Variants in SH3KBP1 observed in about 807,000 individuals in gnomAD.
SH3KBP1 encodes the protein SH3 domain-containing kinase-binding protein 1.
SH3KBP1 carries 8 observed loss-of-function variants against 50.1 expected under a neutral mutation model. The ratio of observed to expected loss-of-function variants is 0.16; its 90% CI spans 0.09 to 0.29. SH3KBP1 has a LOEUF of 0.29. SH3KBP1 is among the 10% of genes least tolerant of loss of function. The pLI is 1.00. For synonymous variants in SH3KBP1, 227 were observed against 218.6 expected, an observed-to-expected ratio of 1.04 and a Z score of -0.34; for missense variants, 377 against 535.2, an observed-to-expected ratio of 0.70 and a Z score of 2.92.
chrX:19,698,732 A>C (rs183357262), intron 4 of SH3KBP1, among the ~76,000 whole-genome samples: 1 of 111,761 alleles, frequency 8.9e-6, no homozygotes, highest in East Asian at 2.8e-4. Flanking sequence ...CTGAGGCTGG[A>C]GATAAGAGAA....
intron 2 of SH3KBP1, among the ~76,000 whole-genome samples, chrX:19,778,384 T>C (rs1377369482): frequency 2.9e-5 from 3 of 103,696 alleles, no homozygotes; most frequent in South Asian, 4.5e-4. Flanking sequence ...TGAGCCGAAA[T>C]TGTGCAACTG....
At chrX:19,722,447 C>T (rs774475399) in intron 3 of SH3KBP1, among the ~76,000 whole-genome samples, 9 of 111,730 alleles carry the variant, frequency 8.1e-5, no homozygotes, top group Middle Eastern at 4.7e-3. Context: ...CCCTATCCTT[C>T]GGGTATAAAG....
At chrX:19,712,428 C>T (rs1480757894) in intron 3 of SH3KBP1, among the ~76,000 whole-genome samples, 1 of 111,864 alleles carries the variant, frequency 8.9e-6, no homozygotes, top group Non-Finnish European at 1.9e-5. Flanking sequence ...AGCTAGACAG[C>T]TAGCTAAAGA....
chrX:19,864,100 G>A (rs1263379573), intron 1 of SH3KBP1, among the ~76,000 whole-genome samples: 1 of 110,795 alleles, frequency 9.0e-6, no homozygotes, highest in Non-Finnish European at 1.9e-5. Context: ...TCTCAGCTGG[G>A]ATCATCAAAA....
At chrX:19,870,887 C>T (rs2069023605) in intron 1 of SH3KBP1, among the ~76,000 whole-genome samples, 1 of 111,361 alleles carries the variant, frequency 9.0e-6, no homozygotes, top group African/African-American at 3.3e-5. Flanking sequence ...ACCTCACGGC[C>T]GAAGCACACC....
At chrX:19,887,060 G>C (rs1007663766) in intron 1 of SH3KBP1, among the ~76,000 whole-genome samples, 1 of 111,495 alleles carries the variant, frequency 9.0e-6, no homozygotes, top group African/African-American at 3.3e-5. Flanking sequence ...GAGCCGCCCG[G>C]GGCCAGCCCC....
intron 1 of SH3KBP1, among the ~76,000 whole-genome samples, chrX:19,879,872 A>G (rs928154074): frequency 1.8e-5 from 2 of 113,164 alleles, no homozygotes; most frequent in Non-Finnish European, 3.7e-5. Flanking sequence ...GTTCCCCCAG[A>G]GCAGGCTTCC....
At chrX:19,835,959 T>C (rs1272227125) in intron 2 of SH3KBP1, among the ~76,000 whole-genome samples, 166 bp downstream of exon 2, 2 of 111,007 alleles carry the variant, frequency 1.8e-5, no homozygotes, top group Non-Finnish European at 3.8e-5. Context: ...TCAAAACAAG[T>C]ATCCCAGATA....
At chrX:19,708,454 G>A (rs1042914770) in intron 3 of SH3KBP1, among the ~76,000 whole-genome samples, 2 of 111,834 alleles carry the variant, frequency 1.8e-5, no homozygotes, top group African/African-American at 6.5e-5. Context: ...GGCACTGTCA[G>A]CAGGCTGAGT....
chrX:19,854,043 T>C (rs952470966), intron 1 of SH3KBP1, among the ~76,000 whole-genome samples: 1 of 111,519 alleles, frequency 9.0e-6, no homozygotes, highest in Non-Finnish European at 1.9e-5. Flanking sequence ...AGACTACCTG[T>C]CCATACAAGT....
At chrX:19,679,979 C>T (rs2063008127) in intron 6 of SH3KBP1, among the ~76,000 whole-genome samples, 1 of 111,783 alleles carries the variant, frequency 8.9e-6, no homozygotes, top group Non-Finnish European at 1.9e-5. Context: ...CAATATCTCT[C>T]CTGGTGTATA....
chrX:19,582,127 GA>G (rs768273009), intron 12 of SH3KBP1, among the ~76,000 whole-genome samples: 1 of 112,083 alleles, frequency 8.9e-6, no homozygotes, highest in Non-Finnish European at 1.9e-5. Flanking sequence ...TGACCTCTGG[GA>G]TGTCTGATTC....
chrX:19,671,093 C>T, intron 6 of SH3KBP1: 1 of 892,462 alleles, frequency 1.1e-6, no homozygotes, highest in Non-Finnish European at 1.5e-6. Context: ...GTCCTCCTCC[C>T]TCGCCTATGT....
intron 7 of SH3KBP1, among the ~76,000 whole-genome samples, chrX:19,633,767 G>C (rs1419409852): frequency 1.8e-5 from 2 of 112,061 alleles, no homozygotes; most frequent in East Asian, 5.6e-4. Context: ...AAGTGTAATA[G>C]AGACTGTTGG....
chrX:19,721,487 C>CTGGA (rs1465111997), intron 3 of SH3KBP1, among the ~76,000 whole-genome samples: 1 of 112,175 alleles, frequency 8.9e-6, no homozygotes. Context: ...TGACCCACTG[C>CTGGA]TGGATGTTGC....
intron 13 of SH3KBP1, among the ~76,000 whole-genome samples, chrX:19,552,115 C>A (rs1021383982): frequency 1.8e-5 from 2 of 111,997 alleles, no homozygotes; most frequent in African/African-American, 6.5e-5. Context: ...TTCCCTTAAC[C>A]GGATATGCCA....
intron 12 of SH3KBP1, among the ~76,000 whole-genome samples, chrX:19,577,895 C>T (rs2066251752): frequency 9.0e-6 from 1 of 111,048 alleles, no homozygotes; most frequent in African/African-American, 3.3e-5. Context: ...CCACCCCGTG[C>T]CCCAGAAAGG....
chrX:19,610,191 T>C (rs2067369987), intron 8 of SH3KBP1, among the ~76,000 whole-genome samples: 1 of 112,027 alleles, frequency 8.9e-6, no homozygotes, highest in South Asian at 3.7e-4. Flanking sequence ...CATGAAAGGA[T>C]GCTTATCTTT....
chrX:19,742,183 C>T (rs757395658), intron 3 of SH3KBP1, among the ~76,000 whole-genome samples: 26 of 110,821 alleles, frequency 2.3e-4, no homozygotes, highest in Admixed American at 7.6e-4. Context: ...TCACTGCAGC[C>T]CCGACCTTCT....
Sources: gnomAD v4.1 joint callset for allele counts (sites outside exome capture counted in the v4.1 genomes callset) on GRCh38, gnomAD v4.1.1 for gene constraint, MANE v1.5 for transcripts, NCBI Gene and HGNC (gene_info 2026-07-23, HGNC 2026-07-21) for gene names.